SEL1L2: variants seen among roughly 807,000 people sequenced by gnomAD.
SEL1L2 encodes the protein SEL1L2 adaptor subunit of SYVN1 ubiquitin ligase.
In SEL1L2, 89 loss-of-function variants were observed where a neutral mutation model predicts 98.8. The ratio of observed to expected loss-of-function variants is 0.90; its 90% CI spans 0.76 to 1.07. The LOEUF (loss-of-function observed/expected upper bound fraction) is 1.07, where lower values mean the gene tolerates loss of function less well. Ranked by LOEUF, SEL1L2 falls within the 50% of genes least tolerant of loss-of-function variation. SEL1L2 has a pLI of 0.00. For synonymous variants in SEL1L2, 262 were observed against 278.5 expected, an observed-to-expected ratio of 0.94 and a Z score of 0.59; for missense variants, 788 against 812.0, an observed-to-expected ratio of 0.97 and a Z score of 0.36.
chr20:13,889,652 G>A (rs1019472357), intron 5 of SEL1L2, among the ~76,000 whole-genome samples: 14 of 152,094 alleles, frequency 9.2e-5, no homozygotes, highest in South Asian at 4.2e-4. Flanking sequence ...TTAGCTGGGC[G>A]TGGTAGCGGG....
At chr20:13,905,643 CACTT>C (rs1294505837) in intron 5 of SEL1L2, among the ~76,000 whole-genome samples, 1 of 152,042 alleles carries the variant, frequency 6.6e-6, no homozygotes, top group Non-Finnish European at 1.5e-5. Context: ...TGAGCATTGT[CACTT>C]ACCAACTTTA....
intron 1 of SEL1L2, among the ~76,000 whole-genome samples, chr20:13,986,844 T>C (rs1157105084): frequency 6.6e-6 from 1 of 152,224 alleles, no homozygotes; most frequent in Non-Finnish European, 1.5e-5. Flanking sequence ...TTACTTTTTA[T>C]TTTTTTGAGA....
chr20:13,929,257 ATT>A (rs200591934), intron 3 of SEL1L2, among the ~76,000 whole-genome samples: 3 of 147,880 alleles, frequency 2.0e-5, no homozygotes, highest in Middle Eastern at 3.5e-3. Flanking sequence ...ATCTCCTACT[ATT>A]TTTTTTTTTA....
At chr20:13,929,194 C>T (rs1369680436) in intron 3 of SEL1L2, among the ~76,000 whole-genome samples, 1 of 152,156 alleles carries the variant, frequency 6.6e-6, no homozygotes, top group Non-Finnish European at 1.5e-5. Flanking sequence ...CTTGCCCCGC[C>T]AGCCCCACAA....
At chr20:13,858,417 C>G (rs753350768) in intron 18 of SEL1L2, among the ~76,000 whole-genome samples, 1 of 151,980 alleles carries the variant, frequency 6.6e-6, no homozygotes, top group Non-Finnish European at 1.5e-5. Flanking sequence ...AATTCTGGCT[C>G]CACCATTGAC....
At chr20:13,965,688 C>T (rs1448335356) in intron 1 of SEL1L2, among the ~76,000 whole-genome samples, 2 of 152,140 alleles carry the variant, frequency 1.3e-5, no homozygotes, top group Non-Finnish European at 2.9e-5. Context: ...GGCACAGTGG[C>T]TCACGCCTGT....
chr20:13,965,231 CAG>C (rs1319685698), intron 1 of SEL1L2, among the ~76,000 whole-genome samples: 1 of 152,142 alleles, frequency 6.6e-6, no homozygotes, highest in Non-Finnish European at 1.5e-5. Flanking sequence ...CAGGAGAATC[CAG>C]AGAAGACACT....
At chr20:13,958,909 C>T (rs1444844885) in intron 1 of SEL1L2, among the ~76,000 whole-genome samples, 3 of 137,014 alleles carry the variant, frequency 2.2e-5, no homozygotes, top group East Asian at 2.1e-4. Flanking sequence ...GGCGACAGAG[C>T]GAGACTCTGT....
intron 5 of SEL1L2, among the ~76,000 whole-genome samples, chr20:13,894,241 T>C (rs2047328176): frequency 6.6e-6 from 1 of 152,040 alleles, no homozygotes; most frequent in Non-Finnish European, 1.5e-5. Context: ...TCAACAAAAC[T>C]AAAAGTTAGG....
Position 13,963,391 on chromosome 20 carries a change from CAAAAAAAAAAAAA to C in SEL1L2, c.59-7273_59-7261del, listed in dbSNP as rs67070339. 2.1e-4 allele frequency among the ~76,000 whole-genome samples: 10 copies of C among 48,192 alleles called. 1 individual carries two copies. Among genetic ancestry groups the C allele is most frequent in the South Asian group, 2.2e-3 (2 of 928 alleles). 31.6% of individuals were successfully genotyped at this position (48,192 alleles called of 152,430 possible). A position where few individuals can be genotyped will look rare whatever the true frequency, so the allele number is the denominator to read the frequency against. ...TCCCAATCTAAACAATCTGGAGCAG[CAAAAAAAAAAAAA>C]AAAAAAAAAAAAAAAATCAGAGTAA... On this transcript the variant is annotated intron_variant, in intron 1 of 19. Coordinates refer to ENST00000284951, the MANE Select transcript of SEL1L2 (RefSeq NM_025229.2).
intron 8 of SEL1L2, among the ~76,000 whole-genome samples, chr20:13,887,408 T>C (rs1306147612): frequency 1.3e-5 from 2 of 152,196 alleles, no homozygotes; most frequent in African/African-American, 2.4e-5. Context: ...TTCATTCCTT[T>C]AGGAATTTTT....
intron 2 of SEL1L2, among the ~76,000 whole-genome samples, chr20:13,939,103 G>A (rs1263543298): frequency 7.6e-5 from 11 of 144,206 alleles, no homozygotes; most frequent in Non-Finnish European, 1.5e-4. Flanking sequence ...GAGTGCAATG[G>A]CGCAATCTCA....
intron 3 of SEL1L2, among the ~76,000 whole-genome samples, chr20:13,920,227 C>CAA (rs4052973): frequency 0.25 from 25,562 of 102,576 alleles, 2,518 homozygotes; most frequent in South Asian, 0.33. Flanking sequence ...GACTCCGTCC[C>CAA]AAAAAAAAAA....
At chr20:13,954,695 T>A (rs2050442121) in intron 2 of SEL1L2, among the ~76,000 whole-genome samples, 1 of 152,186 alleles carries the variant, frequency 6.6e-6, no homozygotes, top group South Asian at 2.1e-4. Context: ...ATTGGGTAGA[T>A]GCTTATGGGT....
chr20:13,876,162 G>C (rs1403031613), intron 11 of SEL1L2, 47 bp from the exon 12 acceptor site: 4 of 1,312,386 alleles, frequency 3.0e-6, no homozygotes, highest in Non-Finnish European at 4.4e-6. Flanking sequence ...AATAATTTGA[G>C]AGTAATGCAA....
Position 13,948,770 on chromosome 20 carries a change from C to A in SEL1L2, c.114+7306G>T, listed in dbSNP as rs191515511. ...CTACTGCATGCCACACAGAAAGCCA[C>A]TGCACAGAAAACCAGTGATTGAGAC... On this transcript the variant is annotated intron_variant, in intron 2 of 19. Transcript: ENST00000284951. Among the ~76,000 whole-genome samples, 13 of 152,348 alleles carry A rather than the reference C, an allele frequency of 8.5e-5. No homozygotes were observed. In the East Asian group the frequency reaches 2.5e-3, roughly 29 times the overall value.
At chr20:13,994,809 C>G (rs2052603245), upstream of SEL1L2, among the ~76,000 whole-genome samples, 1 of 152,164 alleles carries the variant, frequency 6.6e-6, no homozygotes, top group Admixed American at 6.5e-5. Context: ...TTCAATATAA[C>G]ATTTTGGTTG....
intron 1 of SEL1L2, among the ~76,000 whole-genome samples, chr20:13,987,800 C>T (rs1217467636): frequency 1.3e-5 from 2 of 152,130 alleles, no homozygotes; most frequent in Non-Finnish European, 2.9e-5. Context: ...AATTTCTATC[C>T]AATTTCTTTG....
chr20:13,931,609 T>C lies in SEL1L2; in HGVS notation c.277A>G (p.Asn93Asp), dbSNP rs1257197132. The C allele has an allele frequency of 7.2e-7, 1 of 1,380,704 alleles. No homozygotes were observed. The highest frequency in any genetic ancestry group is 9.9e-7 in the Non-Finnish European group (1 of 1,012,648). The allele number at this position is 1,380,704 out of a possible 1,614,324, so 85.5% of individuals were successfully genotyped here. A position where few individuals can be genotyped will look rare whatever the true frequency, so the allele number is the denominator to read the frequency against. The change falls in exon 3 of 20, where the codon AAT becomes GAT. Residue 93 changes from asparagine to aspartate, a missense_variant. Transcript: ENST00000284951. ...QNKDILKRNK[N>D]HLQKQAEKNF... ...GAAAAGATATTCTACTTACAATGATTCTTATTTCTCTTCAAGATATCTTTA... is the reference window on the plus strand; with the variant it reads ...GAAAAGATATTCTACTTACAATGATCCTTATTTCTCTTCAAGATATCTTTA...
Sources: allele counts gnomAD v4.1 joint callset (sites outside exome capture counted in the v4.1 genomes callset), GRCh38; gene constraint gnomAD v4.1.1; transcripts MANE v1.5; gene names NCBI Gene and HGNC (gene_info 2026-07-23, HGNC 2026-07-21).